PRKCD: variants seen among roughly 807,000 people sequenced by gnomAD.
PRKCD encodes protein kinase C delta, also known as protein kinase C delta type.
PRKCD carries 20 observed loss-of-function variants against 82.2 expected under a neutral mutation model. The ratio of observed to expected loss-of-function variants is 0.24; its 90% CI spans 0.17 to 0.35. PRKCD has a LOEUF of 0.35. Ranked by LOEUF, PRKCD falls within the 10% of genes least tolerant of loss-of-function variation. The pLI, the probability that PRKCD is intolerant of heterozygous loss-of-function variation, is 1.00. For missense variants in PRKCD, 607 were observed against 899.0 expected, an observed-to-expected ratio of 0.68 and a Z score of 4.15; for synonymous variants, 317 against 337.0, an observed-to-expected ratio of 0.94 and a Z score of 0.65.
intron 7 of PRKCD, chr3:53,181,975 T>C (rs1002142823): frequency 7.0e-5 from 48 of 690,404 alleles, no homozygotes; most frequent in Non-Finnish European, 1.2e-4. Flanking sequence ...GGATGGCAAT[T>C]GGGCACAGTA....
chr3:53,176,783 G>T (rs1388600317), intron 2 of PRKCD, among the ~76,000 whole-genome samples: 1 of 152,210 alleles, frequency 6.6e-6, no homozygotes, highest in East Asian at 1.9e-4. Context: ...AATCTGCAAG[G>T]CACATTCAGC....
Position 53,192,410 on chromosome 3 carries a change from C to G in PRKCD, c.*144C>G, listed in dbSNP as rs782093358. The G allele has an allele frequency of 3.5e-6, 3 of 868,038 alleles. No individual in the cohort carries two copies. The highest frequency in any genetic ancestry group is 3.6e-6 in the Non-Finnish European group (2 of 553,836). The allele number at this position is 868,038 out of a possible 1,614,324, so 53.8% of individuals were successfully genotyped here. A position where few individuals can be genotyped will look rare whatever the true frequency, so the allele number is the denominator to read the frequency against. The stretch of plus-strand genomic sequence containing the variant: ...TCCTTGGCTGCCGTCTGGCCGGGCT[C>G]TCATGGTACTTCCTCTGTGAACTGT... On this transcript the variant is annotated 3_prime_UTR_variant, in exon 19 of 19. Transcript: ENST00000330452.
intron 2 of PRKCD, among the ~76,000 whole-genome samples, chr3:53,178,089 G>A (rs1703278741): frequency 6.6e-6 from 1 of 151,880 alleles, no homozygotes; most frequent in Non-Finnish European, 1.5e-5. Context: ...GGAATTACAG[G>A]CATGCACCAC....
intron 13 of PRKCD, 75 bp downstream of exon 13, chr3:53,186,415 G>T (rs1156242788): frequency 1.5e-5 from 23 of 1,580,674 alleles, no homozygotes; most frequent in Non-Finnish European, 1.9e-5. Context: ...CTCAGTCAGG[G>T]CTGTGTCTCC....
At chr3:53,176,794 G>A (rs189527184) in intron 2 of PRKCD, among the ~76,000 whole-genome samples, 20 of 152,328 alleles carry the variant, frequency 1.3e-4, no homozygotes, top group Admixed American at 5.2e-4. Context: ...CACATTCAGC[G>A]TTACATTCAA....
In PRKCD at chr3:53,181,274, A is replaced by T. The variant is rs1553667415; in HGVS notation, c.376+7A>T. ...TATTTCCTGGAGGACGTGGGTAAGA[A>T]CTCCCTGGGGGTGGAGGGCTCCCTT... On this transcript the variant is annotated splice_region_variant and intron_variant, in intron 5 of 18. Transcript: ENST00000330452. 6.2e-7 allele frequency: 1 copy of T among 1,613,492 alleles called. No homozygotes were observed. The highest frequency in any genetic ancestry group is 1.1e-5 in the South Asian group (1 of 91,000).
intron 1 of PRKCD, among the ~76,000 whole-genome samples, chr3:53,164,518 G>T (rs1278263283): frequency 1.3e-5 from 2 of 152,068 alleles, no homozygotes; most frequent in Admixed American, 1.3e-4. Flanking sequence ...AGGAGGCAGA[G>T]GTTGCAGTGA....
In PRKCD at chr3:53,192,152, C is replaced by T. The variant is rs782670259; in HGVS notation, c.1917C>T (p.Asn639=). 3.1e-6 allele frequency: 5 copies of T among 1,613,934 alleles called. No individual in the cohort carries two copies. The highest frequency in any genetic ancestry group is 2.2e-5 in the East Asian group (1 of 44,878). ...DYSNFDQEFL[N]EKARLSYSDK... ...GTAACTTTGACCAGGAGTTCCTGAA[C>T]GAGAAGGCGCGCCTCTCCTACAGCG... Residue 639 remains asparagine (N), a synonymous_variant, in exon 19 of 19, where the codon AAC becomes AAT. Transcript: ENST00000330452.
At chr3:53,188,608 G>C (rs1441531496) in intron 15 of PRKCD, 112 bp from the exon 16 acceptor site, 1 of 1,374,098 alleles carries the variant, frequency 7.3e-7, no homozygotes, top group East Asian at 2.3e-5. Context: ...TCATTCCCTT[G>C]TACCCTTGGG....
intron 2 of PRKCD, among the ~76,000 whole-genome samples, chr3:53,177,858 T>A (rs1232545345): frequency 6.6e-6 from 1 of 152,072 alleles, no homozygotes; most frequent in Non-Finnish European, 1.5e-5. Flanking sequence ...TGTTGCCCAG[T>A]GGGCCCAACA....
chr3:53,167,369 C>T (rs554789017), intron 2 of PRKCD, among the ~76,000 whole-genome samples: 2 of 152,320 alleles, frequency 1.3e-5, no homozygotes, highest in South Asian at 2.1e-4. Context: ...CTGCAGTCCC[C>T]ACAACCGTGG....
intron 2 of PRKCD, among the ~76,000 whole-genome samples, chr3:53,168,969 CT>C (rs1433962118): frequency 6.6e-6 from 1 of 151,716 alleles, no homozygotes; most frequent in African/African-American, 2.4e-5. Context: ...CGTCTGGTGG[CT>C]GGAACAGGGG....
At chr3:53,176,860 G>C (rs540579249) in intron 2 of PRKCD, among the ~76,000 whole-genome samples, 3 of 152,094 alleles carry the variant, frequency 2.0e-5, no homozygotes, top group Non-Finnish European at 2.9e-5. Context: ...GCAGAGTCTC[G>C]CTCTGTTGCC....
At chr3:53,185,046 C>T in intron 10 of PRKCD, 72 bp downstream of exon 10, 2 of 1,359,320 alleles carry the variant, frequency 1.5e-6, no homozygotes, top group Non-Finnish European at 1.0e-6. Context: ...ACAGCCACTG[C>T]TGGGGAGCCA....
In PRKCD at chr3:53,179,892, G is replaced by T; in HGVS notation, c.315+116G>T. On this transcript the variant is annotated intron_variant, in intron 4 of 18. Coordinates refer to ENST00000330452, the MANE Select transcript of PRKCD (RefSeq NM_006254.4). The stretch of plus-strand genomic sequence containing the variant: ...CTTGGTCAGTGAGCACAGCTGAAGA[G>T]CACCGGGCCCTGTGCTGGCCACCAG... 3.0e-6 allele frequency: 4 copies of T among 1,320,720 alleles called. No individual in the cohort carries two copies. In the South Asian group the frequency reaches 5.5e-5, roughly 18 times the overall value. 81.8% of individuals were successfully genotyped at this position (1,320,720 alleles called of 1,614,324 possible). A position where few individuals can be genotyped will look rare whatever the true frequency, so the allele number is the denominator to read the frequency against.
Position 53,184,876 on chromosome 3 carries a change from T to C in PRKCD, c.790T>C (p.Cys264Arg). Reference protein sequence around the residue: ...LVKQGLKCEDCGMNVHHKCRE... With the variant: ...LVKQGLKCEDRGMNVHHKCRE... ...GCCCCGCTTCTCCCTCACCCCAGAC[T>C]GCGGCATGAATGTGCACCATAAATG... is the stretch of plus-strand genomic sequence containing the variant. The change falls in exon 10 of 19, where the codon TGC (cysteine) becomes CGC (arginine). Residue 264 changes from cysteine to arginine, a missense_variant and splice_region_variant. By Grantham distance (180) the Cys-to-Arg change is radical. Coordinates refer to ENST00000330452, the MANE Select transcript of PRKCD (RefSeq NM_006254.4). The C allele has an allele frequency of 1.2e-6, 2 of 1,613,646 alleles. No individual in the cohort carries two copies. Among genetic ancestry groups the C allele is most frequent in the Non-Finnish European group, 1.7e-6 (2 of 1,179,724 alleles).
At chr3:53,185,729 G>A (rs1553668871) in intron 11 of PRKCD, 29 bp downstream of exon 11, 1 of 1,606,358 alleles carries the variant, frequency 6.2e-7, no homozygotes, top group Non-Finnish European at 8.5e-7. Flanking sequence ...CCCCATTACG[G>A]TTTTTATTCC....
At chr3:53,192,038 A>G in intron 18 of PRKCD, 70 bp from the exon 19 acceptor site, 1 of 1,525,842 alleles carries the variant, frequency 6.6e-7, no homozygotes, top group Non-Finnish European at 9.1e-7. Flanking sequence ...CCCTGCAGGG[A>G]CTCCAGCCTG....
intron 3 of PRKCD, 49 bp from the exon 4 acceptor site, chr3:53,179,528 A>G: frequency 6.2e-7 from 1 of 1,609,680 alleles, no homozygotes; most frequent in Non-Finnish European, 8.5e-7. Context: ...TCTACGAGGG[A>G]GGGACAGAGG....
Sources: allele counts gnomAD v4.1 joint callset (sites outside exome capture counted in the v4.1 genomes callset), GRCh38; gene constraint gnomAD v4.1.1; transcripts MANE v1.5; gene names NCBI Gene and HGNC (gene_info 2026-07-23, HGNC 2026-07-21).